Variants in CNP observed in about 807,000 individuals in gnomAD.
CNP encodes the protein 2',3'-cyclic-nucleotide 3'-phosphodiesterase.
Under a neutral mutation model 37.9 loss-of-function variants are expected in CNP, and 8 were observed. The observed-to-expected ratio is 0.21, with a 90% CI of 0.12 to 0.38. The LOEUF (loss-of-function observed/expected upper bound fraction) is 0.38, where lower values mean the gene tolerates loss of function less well. Ranked by LOEUF, CNP falls within the 10% of genes least tolerant of loss-of-function variation. The pLI, the probability that CNP is intolerant of heterozygous loss-of-function variation, is 1.00. For missense variants in CNP, 457 were observed against 551.0 expected (o/e 0.83, Z 1.71); for synonymous variants, 237 against 238.3 (o/e 0.99, Z 0.05).
intron 2 of CNP, among the ~76,000 whole-genome samples, chr17:41,970,110 T>C (rs2050963384): frequency 6.6e-6 from 1 of 151,486 alleles, no homozygotes. Flanking sequence ...TTAATATTTA[T>C]TTATGAGACG....
Position 41,977,580 on chromosome 17 carries a change from T to A in CNP, c.*3656T>A, listed in dbSNP as rs2051124822. The A allele has an allele frequency of 2.8e-6, 1 of 361,582 alleles. No homozygotes were observed. The highest frequency in any genetic ancestry group is 2.1e-5 in the African/African-American group (1 of 48,102). The allele number at this position is 361,582 out of a possible 1,614,324, so 22.4% of individuals were successfully genotyped here. On this transcript the variant is annotated 3_prime_UTR_variant, in exon 4 of 4. Coordinates refer to ENST00000393892, the MANE Select transcript of CNP (RefSeq NM_033133.5). The stretch of plus-strand genomic sequence containing the variant: ...CAAAGGAAGCTTTCTCTGCTTCAGC[T>A]TGCTTCATTGGGCTGTTTTCTCAAC...
At position 41,973,591 on chromosome 17, in the gene CNP, G is replaced by T. The variant is rs367771051; in HGVS notation, c.933G>T (p.Pro311=). ...ELSEQQLQLW[P]SDVDKLSPTD... ...GCGAGCAGCAACTGCAGTTGTGGCCGAGTGATGTGGACAAGCTGTCACCCA... is the reference window on the plus strand; with the variant it reads ...GCGAGCAGCAACTGCAGTTGTGGCCTAGTGATGTGGACAAGCTGTCACCCA... Residue 311 remains proline, a synonymous_variant, in exon 4 of 4, where the codon CCG becomes CCT. Coordinates refer to ENST00000393892, the MANE Select transcript of CNP (RefSeq NM_033133.5). 1.2e-6 allele frequency: 2 copies of T among 1,614,216 alleles called. No individual in the cohort carries two copies. Among genetic ancestry groups the T allele is most frequent in the Non-Finnish European group, 1.7e-6 (2 of 1,180,044 alleles).
intron 2 of CNP, chr17:41,971,397 C>CTTTTTTT (rs567987798): frequency 7.2e-6 from 1 of 139,038 alleles, no homozygotes; most frequent in Non-Finnish European, 1.6e-5. Flanking sequence ...AGAATTTTAA[C>CTTTTTTT]TTTTTTTTTT....
chr17:41,969,808 G>A (rs1378512351), intron 2 of CNP, among the ~76,000 whole-genome samples: 1 of 152,136 alleles, frequency 6.6e-6, no homozygotes. Flanking sequence ...CGCTTGCCTT[G>A]GCCTCCCAAA....
rs1235667850 is a variant in CNP, at chr17:41,977,352, GGAA to G, written c.*3432_*3434del. On this transcript the variant is annotated 3_prime_UTR_variant, in exon 4 of 4. Transcript: ENST00000393892. Reference sequence around the variant, plus strand: ...TAGAGCAGGGCAAGTAACATGGAAGGGAAGAAAAGGTGAAAAATTAGAAATGTT... The same window carrying G: ...TAGAGCAGGGCAAGTAACATGGAAGGGAAAAGGTGAAAAATTAGAAATGTT... The G allele has an allele frequency of 6.5e-6, 10 of 1,549,438 alleles. No homozygotes were observed. The highest frequency in any genetic ancestry group is 8.8e-6 in the Non-Finnish European group (10 of 1,141,366).
chr17:41,970,968 C>G (rs906091145), intron 2 of CNP: 2 of 152,096 alleles, frequency 1.3e-5, no homozygotes, highest in East Asian at 1.9e-4. Context: ...TACCAGGAGG[C>G]CCCCCCATAG....
chr17:41,968,688 C>A lies in CNP; in HGVS notation c.624C>A (p.Val208=), dbSNP rs782373869. 1.2e-6 allele frequency: 2 copies of A among 1,613,936 alleles called. No individual in the cohort carries two copies. ...SSETLRKAGQ[V]FLEELGNHKA... is the part of the protein sequence containing the mutation. ...AGACCCTCCGCAAAGCCGGCCAGGT[C>A]TTCCTGGAAGAGCTGGGGAACCACA... Residue 208 remains valine, a synonymous_variant, in exon 2 of 4, where the codon GTC becomes GTA. Coordinates refer to ENST00000393892, the MANE Select transcript of CNP (RefSeq NM_033133.5). This position sits in a 1 kb window ranked among gnomAD's most constrained non-coding sequence, Gnocchi z 4.8.
At chr17:41,969,924 A>G (rs1255021585) in intron 2 of CNP, among the ~76,000 whole-genome samples, 2 of 152,160 alleles carry the variant, frequency 1.3e-5, no homozygotes, top group Non-Finnish European at 2.9e-5. Context: ...CATTGTGTAT[A>G]TTGCACAGAA....
intron 2 of CNP, chr17:41,971,588 C>T (rs1051175395): frequency 2.3e-5 from 5 of 214,160 alleles, no homozygotes; most frequent in Middle Eastern, 1.9e-3. Context: ...TTAGTAGAGA[C>T]GGGGTTTCAC....
In CNP at chr17:41,976,672, C is replaced by G. The variant is rs1351316206; in HGVS notation, c.*2748C>G. The G allele has an allele frequency of 1.9e-6, 3 of 1,592,952 alleles. No homozygotes were observed. The highest frequency in any genetic ancestry group is 2.6e-6 in the Non-Finnish European group (3 of 1,170,820). On this transcript the variant is annotated 3_prime_UTR_variant, in exon 4 of 4. Coordinates refer to ENST00000393892, the MANE Select transcript of CNP (RefSeq NM_033133.5). ...GATGAAGGGAGGAGGTGAACTGTTT[C>G]CACATTCAAGATTAAACTGAGTGAA...
At chr17:41,967,719 C>T (rs2050922877) in intron 1 of CNP, 1 of 1,070,210 alleles carries the variant, frequency 9.3e-7, no homozygotes, top group African/African-American at 1.6e-5. Flanking sequence ...TTGGCCCAGA[C>T]ACAGAGACCC....
In CNP at chr17:41,974,267, T is replaced by A. The variant is rs1382442168; in HGVS notation, c.*343T>A. ...CAGCCCCAGCCCAGCCCAGCTGCTC[T>A]GCCCAGAGCTGGGTGAGTGGGGAGA... On this transcript the variant is annotated 3_prime_UTR_variant, in exon 4 of 4. Transcript: ENST00000393892. 1 of 177,830 alleles carries A rather than the reference T, an allele frequency of 5.6e-6. No individual in the cohort carries two copies. The highest frequency in any genetic ancestry group is 2.4e-5 in the African/African-American group (1 of 42,390). The allele number at this position is 177,830 out of a possible 1,614,324, so 11.0% of individuals were successfully genotyped here. A position where few individuals can be genotyped will look rare whatever the true frequency, so the allele number is the denominator to read the frequency against.
At position 41,973,888 on chromosome 17, in the gene CNP, G is replaced by C. The variant is rs782233811; in HGVS notation, c.1230G>C (p.Arg410=). 2 of 1,563,372 alleles carry C rather than the reference G, an allele frequency of 1.3e-6. No individual in the cohort carries two copies. Among genetic ancestry groups the C allele is most frequent in the East Asian group, 2.3e-5 (1 of 44,408 alleles). The change falls in exon 4 of 4, where the codon CGG becomes CGC. Residue 410 remains arginine, a synonymous_variant. Transcript: ENST00000393892. ...KGKPVPTQGS[R]KGGALQSCTI... ...AACCTGTGCCCACGCAAGGTAGCCGGAAGGGGGGCGCCTTGCAGTCCTGCA... is the reference window on the plus strand; with the variant it reads ...AACCTGTGCCCACGCAAGGTAGCCGCAAGGGGGGCGCCTTGCAGTCCTGCA...
rs1323523963 is a variant in CNP, at chr17:41,971,885, C to T, written c.677-7C>T. 6.2e-7 allele frequency: 1 copy of T among 1,613,534 alleles called. No individual in the cohort carries two copies. The highest frequency in any genetic ancestry group is 8.5e-7 in the Non-Finnish European group (1 of 1,179,834). On this transcript the variant is annotated splice_polypyrimidine_tract_variant and splice_region_variant and intron_variant, in intron 2 of 3. Coordinates refer to ENST00000393892, the MANE Select transcript of CNP (RefSeq NM_033133.5). ...CTGCCCTGACTGCACCCGTTTTCTC[C>T]CGGCAGTCGTCCCTGGGGATGAGCC...
Position 41,976,500 on chromosome 17 carries a change from A to G in CNP, c.*2576A>G. 1.9e-6 allele frequency: 1 copy of G among 525,394 alleles called. No homozygotes were observed. The highest frequency in any genetic ancestry group is 3.3e-6 in the Non-Finnish European group (1 of 304,102). The allele number at this position is 525,394 out of a possible 1,614,324, so 32.5% of individuals were successfully genotyped here. On this transcript the variant is annotated 3_prime_UTR_variant, in exon 4 of 4. Coordinates refer to ENST00000393892, the MANE Select transcript of CNP (RefSeq NM_033133.5). The stretch of plus-strand genomic sequence containing the variant: ...TTTTAATAAAGTTAAACAGTAAAAC[A>G]AAAATTCACAAGCTGCCTCCCTGTC...
chr17:41,970,103 ATATT>A (rs1289325165), intron 2 of CNP, among the ~76,000 whole-genome samples: 29 of 151,302 alleles, frequency 1.9e-4, no homozygotes, highest in Admixed American at 1.6e-3. Flanking sequence ...GTTGCTTTTA[ATATT>A]TATTTATGAG....
chr17:41,976,067 G>C lies in CNP; in HGVS notation c.*2143G>C, dbSNP rs2051072377. 6.6e-6 allele frequency: 1 copy of C among 152,412 alleles called. No individual in the cohort carries two copies. Among genetic ancestry groups the C allele is most frequent in the Admixed American group, 6.5e-5 (1 of 15,288 alleles). 9.4% of individuals were successfully genotyped at this position (152,412 alleles called of 1,614,324 possible). On this transcript the variant is annotated 3_prime_UTR_variant, in exon 4 of 4. Transcript: ENST00000393892. ...GAACCCACACTGCAACAGGAACTGT[G>C]AGAGTCTTTGTAAGTAAACTGCCCT...
intron 2 of CNP, among the ~76,000 whole-genome samples, chr17:41,969,574 G>A (rs1369700137): frequency 6.6e-6 from 1 of 152,130 alleles, no homozygotes; most frequent in African/African-American, 2.4e-5. Context: ...TATTTATTGT[G>A]ACACGGAGTC....
chr17:41,966,796 C>T lies in CNP; in HGVS notation c.-89C>T, dbSNP rs529299032. ...AAGCGGCCGGGCTCGGGTCGTGCCA[C>T]CGCTGGACTCCCGTGTCCCTCCGCG... is the stretch of plus-strand genomic sequence containing the variant. On this transcript the variant is annotated 5_prime_UTR_variant, in exon 1 of 4. Coordinates refer to ENST00000393892, the MANE Select transcript of CNP (RefSeq NM_033133.5). 536 of 1,348,618 alleles carry T rather than the reference C, an allele frequency of 4.0e-4. No individual in the cohort carries two copies. The highest frequency in any genetic ancestry group is 4.8e-4 in the Non-Finnish European group (499 of 1,049,698). 83.5% of individuals were successfully genotyped at this position (1,348,618 alleles called of 1,614,324 possible).
Sources: gnomAD v4.1 joint callset for allele counts (sites outside exome capture counted in the v4.1 genomes callset) on GRCh38, gnomAD v4.1.1 for gene constraint, Gnocchi (gnomAD v3.1) non-coding constraint, MANE v1.5 for transcripts, NCBI Gene and HGNC (gene_info 2026-07-23, HGNC 2026-07-21) for gene names.